Variants in PHACTR1 observed in about 807,000 individuals in gnomAD.
PHACTR1 encodes RPEL repeat containing 1.
PHACTR1 carries 16 observed loss-of-function variants against 69.2 expected under a neutral mutation model. That is an observed-to-expected ratio of 0.23 (90% CI 0.16 to 0.35). The LOEUF (loss-of-function observed/expected upper bound fraction) is 0.35, where lower values mean the gene tolerates loss of function less well. PHACTR1 is among the 10% of genes least tolerant of loss of function. PHACTR1 has a pLI of 1.00. For synonymous variants in PHACTR1, 312 were observed against 284.5 expected, an observed-to-expected ratio of 1.10 and a Z score of -0.97; for missense variants, 510 against 734.7, an observed-to-expected ratio of 0.69 and a Z score of 3.54.
At position 13,287,102 on chromosome 6, in the gene PHACTR1, A is replaced by G. The variant is rs1341747012; in HGVS notation, c.*24A>G. 3.1e-6 allele frequency: 5 copies of G among 1,594,426 alleles called. No homozygotes were observed. Among genetic ancestry groups the G allele is most frequent in the Non-Finnish European group, 4.3e-6 (5 of 1,167,624 alleles). ...AACAGTCGAATTCCTCTTGAGTGCT[A>G]TGCTGTCTTCAAAACATAAATTTAT... On this transcript the variant is annotated 3_prime_UTR_variant, in exon 15 of 15. Coordinates refer to ENST00000332995, the MANE Select transcript of PHACTR1 (RefSeq NM_030948.6).
intron 12 of PHACTR1, chr6:13,281,082 C>A (rs927140467): frequency 7.8e-7 from 1 of 1,289,586 alleles, no homozygotes; most frequent in South Asian, 1.2e-5. Context: ...GTGTCCAAGG[C>A]CCCGCGATGT....
At chr6:12,887,193 G>A (rs1473802796) in intron 4 of PHACTR1, among the ~76,000 whole-genome samples, 1 of 152,164 alleles carries the variant, frequency 6.6e-6, no homozygotes, top group African/African-American at 2.4e-5. Context: ...GCCCCTTCCT[G>A]TGCTCCTCAG....
intron 5 of PHACTR1, among the ~76,000 whole-genome samples, chr6:13,133,223 CCCT>C (rs1170699803): frequency 4.1e-5 from 2 of 48,392 alleles, no homozygotes; most frequent in African/African-American, 1.7e-4. Flanking sequence ...CTCCCCCTCC[CCCT>C]CCCCCTCTCC....
chr6:13,181,511 G>A (rs1049401121), intron 6 of PHACTR1, among the ~76,000 whole-genome samples: 3 of 152,274 alleles, frequency 2.0e-5, no homozygotes, highest in African/African-American at 7.2e-5. Context: ...AGACTCCCCT[G>A]GGCTAGGATG....
chr6:12,937,188 G>T (rs1789552106), intron 4 of PHACTR1, among the ~76,000 whole-genome samples: 1 of 152,098 alleles, frequency 6.6e-6, no homozygotes, highest in Non-Finnish European at 1.5e-5. Flanking sequence ...TAGGCTAGCT[G>T]CATGGAATCA....
intron 4 of PHACTR1, among the ~76,000 whole-genome samples, chr6:12,966,207 C>T (rs147607146): frequency 6.6e-6 from 1 of 152,270 alleles, no homozygotes; most frequent in African/African-American, 2.4e-5. Flanking sequence ...CAAGTAAGGA[C>T]TCAGGCTGGG....
At chr6:12,847,546 A>G (rs1779413268) in intron 4 of PHACTR1, among the ~76,000 whole-genome samples, 1 of 152,150 alleles carries the variant, frequency 6.6e-6, no homozygotes, top group Admixed American at 6.5e-5. Context: ...TGATTTTAGT[A>G]TTAGTATTAA....
intron 4 of PHACTR1, among the ~76,000 whole-genome samples, chr6:12,878,614 A>G (rs540423607): frequency 6.6e-6 from 1 of 152,348 alleles, no homozygotes; most frequent in African/African-American, 2.4e-5. Context: ...TATTACCAAG[A>G]GCTGAGTGGT....
At chr6:13,115,784 T>C (rs993620839) in intron 5 of PHACTR1, among the ~76,000 whole-genome samples, 1 of 152,062 alleles carries the variant, frequency 6.6e-6, no homozygotes, top group African/African-American at 2.4e-5. Flanking sequence ...TTCAGTGAGG[T>C]TGTGTCTGCG....
intron 7 of PHACTR1, among the ~76,000 whole-genome samples, chr6:13,188,455 C>T (rs2113759636): frequency 6.6e-6 from 1 of 152,294 alleles, no homozygotes; most frequent in Non-Finnish European, 1.5e-5. Context: ...TCAGTGTCTG[C>T]TGCTCTGGTG....
chr6:13,019,832 A>G (rs188192279), intron 4 of PHACTR1, among the ~76,000 whole-genome samples: 15 of 152,314 alleles, frequency 9.8e-5, no homozygotes, highest in African/African-American at 2.4e-4. Context: ...CTAAACTTCA[A>G]TTTCTTCGGT....
At chr6:13,015,069 C>G (rs1415040200) in intron 4 of PHACTR1, among the ~76,000 whole-genome samples, 2 of 152,242 alleles carry the variant, frequency 1.3e-5, no homozygotes, top group Admixed American at 1.3e-4. Flanking sequence ...AGCTCGTCTC[C>G]ATGCCTGACA....
intron 4 of PHACTR1, among the ~76,000 whole-genome samples, chr6:12,758,365 C>T (rs1268284113): frequency 6.6e-6 from 1 of 151,228 alleles, no homozygotes; most frequent in Non-Finnish European, 1.5e-5. Flanking sequence ...TTGCTTGAAC[C>T]CAGGAGGCGG....
chr6:12,761,787 A>G (rs1768044312), intron 4 of PHACTR1, among the ~76,000 whole-genome samples: 1 of 152,208 alleles, frequency 6.6e-6, no homozygotes, highest in Admixed American at 6.5e-5. Context: ...TTTTGACATT[A>G]CAAAAACACA....
At chr6:13,243,750 A>T (rs1227698686) in intron 10 of PHACTR1, among the ~76,000 whole-genome samples, 1 of 151,762 alleles carries the variant, frequency 6.6e-6, no homozygotes, top group East Asian at 1.9e-4. Flanking sequence ...ACCTGCTCCT[A>T]CCCTCCACCC....
Position 13,152,306 on chromosome 6 carries a change from C to G in PHACTR1, c.416-7898C>G, listed in dbSNP as rs965390464. Among the ~76,000 whole-genome samples, 7 of 152,020 alleles carry G rather than the reference C, an allele frequency of 4.6e-5. No homozygotes were observed. In the South Asian group the frequency reaches 1.5e-3, roughly 32 times the overall value. On this transcript the variant is annotated intron_variant, in intron 5 of 14. Coordinates refer to ENST00000332995, the MANE Select transcript of PHACTR1 (RefSeq NM_030948.6). The stretch of plus-strand genomic sequence containing the variant: ...TCAAGATCGAGCCATTGCACTCCAG[C>G]CTGGGCAACAGAGCAAGACTCCGTC...
intron 4 of PHACTR1, among the ~76,000 whole-genome samples, chr6:12,779,410 T>TCA (rs1481109016): frequency 6.6e-6 from 1 of 152,180 alleles, no homozygotes; most frequent in East Asian, 1.9e-4. Flanking sequence ...ATCCAGACTC[T>TCA]CAAATTGACT....
intron 4 of PHACTR1, among the ~76,000 whole-genome samples, chr6:12,879,622 G>A (rs567813257): frequency 3.9e-5 from 6 of 152,228 alleles, no homozygotes; most frequent in African/African-American, 1.4e-4. Context: ...ACACTAACTC[G>A]TAATGATATC....
At chr6:12,935,115 A>C (rs1007369263) in intron 4 of PHACTR1, among the ~76,000 whole-genome samples, 1 of 152,222 alleles carries the variant, frequency 6.6e-6, no homozygotes, top group Non-Finnish European at 1.5e-5. Flanking sequence ...AAGCTCAATA[A>C]ATATTACCAG....
Sources: gnomAD v4.1 joint callset for allele counts (sites outside exome capture counted in the v4.1 genomes callset) on GRCh38, gnomAD v4.1.1 for gene constraint, MANE v1.5 for transcripts, NCBI Gene and HGNC (gene_info 2026-07-23, HGNC 2026-07-21) for gene names.